UBE2E2: variants seen among roughly 807,000 people sequenced by gnomAD.
UBE2E2 encodes ubiquitin conjugating enzyme E2 E2.
A neutral mutation model predicts 24.7 loss-of-function variants in UBE2E2; 6 were observed. The ratio of observed to expected loss-of-function variants is 0.24; its 90% confidence interval spans 0.13 to 0.48. The LOEUF (loss-of-function observed/expected upper bound fraction) is 0.48. UBE2E2 is among the 20% of genes least tolerant of loss of function. The pLI is 0.99. For missense variants in UBE2E2, 169 were observed against 245.0 expected (o/e 0.69, Z 2.07); for synonymous variants, 104 against 83.6 (o/e 1.24, Z -1.33).
Position 23,556,333 on chromosome 3 carries a change from C to T in UBE2E2, c.508+23632C>T, listed in dbSNP as rs1323737839. ...CTAATTTTTGTATTTTTAGTAGAGACGGTTTCACCATGTTGGCCAGGATGG... is the reference window on the plus strand; with the variant it reads ...CTAATTTTTGTATTTTTAGTAGAGATGGTTTCACCATGTTGGCCAGGATGG... On this transcript the variant is annotated intron_variant, in intron 5 of 5. Coordinates refer to ENST00000396703, the MANE Select transcript of UBE2E2 (RefSeq NM_152653.4). Among the ~76,000 whole-genome samples the T allele has an allele frequency of 9.4e-5, 14 of 149,210 alleles. 2 individuals carry two copies. Among genetic ancestry groups the T allele is most frequent in the Admixed American group, 1.3e-4 (2 of 14,940 alleles).
chr3:23,523,857 T>G (rs1216779898), intron 4 of UBE2E2, among the ~76,000 whole-genome samples: 1 of 151,870 alleles, frequency 6.6e-6, no homozygotes, highest in Non-Finnish European at 1.5e-5. Context: ...AACAACCTGT[T>G]TAAATAAACT....
In UBE2E2 at chr3:23,374,076, T is replaced by C. The variant is rs570367247; in HGVS notation, c.228-125532T>C. ...CAATGGATGTGAAATAACCACCTAA[T>C]ATTTTAAAATATTAAGTCAAAATAT... On this transcript the variant is annotated intron_variant, in intron 3 of 5. Coordinates refer to ENST00000396703, the MANE Select transcript of UBE2E2 (RefSeq NM_152653.4). 3.2e-3 allele frequency among the ~76,000 whole-genome samples: 488 copies of C among 152,330 alleles called. 1 individual carries two copies. The highest frequency in any genetic ancestry group is 0.013 in the South Asian group (61 of 4,828).
At chr3:23,222,621 T>A (rs1439491990) in intron 3 of UBE2E2, among the ~76,000 whole-genome samples, 1 of 152,210 alleles carries the variant, frequency 6.6e-6, no homozygotes, top group Non-Finnish European at 1.5e-5. Context: ...TTGTGAGGCC[T>A]CTCAAGCCAG....
intron 3 of UBE2E2, among the ~76,000 whole-genome samples, chr3:23,368,847 G>C (rs907219400): frequency 8.5e-5 from 13 of 152,104 alleles, no homozygotes; most frequent in African/African-American, 3.1e-4. Flanking sequence ...ATTTCTAATA[G>C]TTTATTTTCA....
At chr3:23,270,357 G>T (rs979993489) in intron 3 of UBE2E2, among the ~76,000 whole-genome samples, 6 of 152,056 alleles carry the variant, frequency 3.9e-5, no homozygotes, top group African/African-American at 1.4e-4. Context: ...GTGCACAAAG[G>T]GCTTGGCTGA....
At chr3:23,230,807 A>G (rs1575488820) in intron 3 of UBE2E2, among the ~76,000 whole-genome samples, 1 of 152,000 alleles carries the variant, frequency 6.6e-6, no homozygotes, top group South Asian at 2.1e-4. Context: ...AAAAAAAAAA[A>G]AAGAGTTGGA....
intron 3 of UBE2E2, among the ~76,000 whole-genome samples, chr3:23,297,145 T>C (rs1698934202): frequency 3.3e-5 from 5 of 152,210 alleles, no homozygotes; most frequent in Admixed American, 3.3e-4. Flanking sequence ...CACCCACTTT[T>C]TGATGGGGTT....
chr3:23,490,234 G>A (rs941436562), intron 3 of UBE2E2, among the ~76,000 whole-genome samples: 2 of 152,068 alleles, frequency 1.3e-5, no homozygotes, highest in African/African-American at 4.8e-5. Flanking sequence ...AACAACCTAT[G>A]TATATACATG....
At chr3:23,586,338 A>G (rs1696625215) in intron 5 of UBE2E2, among the ~76,000 whole-genome samples, 1 of 152,176 alleles carries the variant, frequency 6.6e-6, no homozygotes, top group African/African-American at 2.4e-5. Flanking sequence ...TCTGTCACCC[A>G]GGCTGGAGTG....
At chr3:23,525,368 G>T (rs1002550333) in intron 4 of UBE2E2, among the ~76,000 whole-genome samples, 9 of 152,168 alleles carry the variant, frequency 5.9e-5, no homozygotes, top group African/African-American at 1.9e-4. Context: ...ACACATGCAG[G>T]TGTTGGGTGT....
chr3:23,354,980 A>C (rs1329615415), intron 3 of UBE2E2, among the ~76,000 whole-genome samples: 1 of 152,048 alleles, frequency 6.6e-6, no homozygotes, highest in Non-Finnish European at 1.5e-5. Flanking sequence ...GAACCAACCC[A>C]AATGTCCAAC....
intron 5 of UBE2E2, among the ~76,000 whole-genome samples, chr3:23,573,202 G>A (rs575559956): frequency 6.6e-6 from 1 of 152,252 alleles, no homozygotes; most frequent in African/African-American, 2.4e-5. Flanking sequence ...ATACACATAG[G>A]AAGCTTGTGT....
At chr3:23,214,284 TC>T (rs1696412300) in intron 2 of UBE2E2, among the ~76,000 whole-genome samples, 1 of 152,070 alleles carries the variant, frequency 6.6e-6, no homozygotes, top group African/African-American at 2.4e-5. Flanking sequence ...AGAGACAGGG[TC>T]TTACTCTTGC....
Position 23,561,552 on chromosome 3 carries a change from C to T in UBE2E2, c.509-28182C>T, listed in dbSNP as rs1004624656. On this transcript the variant is annotated intron_variant, in intron 5 of 5. Transcript: ENST00000396703. The stretch of plus-strand genomic sequence containing the variant: ...TTGGCTTAGGATTGACTTGGCAATG[C>T]GGGCTCTTTTTTGGTTCCATATGAA... Among the ~76,000 whole-genome samples the T allele has an allele frequency of 9.2e-5, 14 of 151,932 alleles. No individual in the cohort carries two copies. In the East Asian group the frequency reaches 9.7e-4, roughly 11 times the overall value.
At chr3:23,427,238 A>G (rs1295186619) in intron 3 of UBE2E2, among the ~76,000 whole-genome samples, 1 of 149,170 alleles carries the variant, frequency 6.7e-6, no homozygotes, top group African/African-American at 2.5e-5. Flanking sequence ...CCTGGGCAAC[A>G]TGTTGAAACC....
intron 3 of UBE2E2, among the ~76,000 whole-genome samples, chr3:23,268,101 A>G (rs1262469601): frequency 1.3e-5 from 2 of 151,820 alleles, no homozygotes; most frequent in Admixed American, 1.3e-4. Flanking sequence ...GCAATATCAT[A>G]CTGAATGGGC....
At chr3:23,332,744 A>G (rs904326553) in intron 3 of UBE2E2, among the ~76,000 whole-genome samples, 1 of 150,894 alleles carries the variant, frequency 6.6e-6, no homozygotes, top group Non-Finnish European at 1.5e-5. Context: ...TCTCTAGGAA[A>G]TTTATCAGGT....
chr3:23,512,870 A>C (rs1332683873), intron 4 of UBE2E2, among the ~76,000 whole-genome samples: 1 of 152,144 alleles, frequency 6.6e-6, no homozygotes, highest in Non-Finnish European at 1.5e-5. Context: ...GCTTGAACCC[A>C]GGAGGCAGAG....
rs148975623 is a variant in UBE2E2 at position 23,382,478 on chromosome 3, G to A, written c.228-117130G>A. On this transcript the variant is annotated intron_variant, in intron 3 of 5. Transcript: ENST00000396703. ...ATTATGGGGATAAGCCACCGTGCCCGGCCTTACTTTAAAATCTTAAACACT... is the reference window on the plus strand; with the variant it reads ...ATTATGGGGATAAGCCACCGTGCCCAGCCTTACTTTAAAATCTTAAACACT... Among the ~76,000 whole-genome samples the A allele has an allele frequency of 4.6e-5, 7 of 152,162 alleles. 1 individual carries two copies. Among genetic ancestry groups the A allele is most frequent in the South Asian group, 2.1e-4 (1 of 4,814 alleles).
Sources: gnomAD v4.1 joint callset for allele counts (sites outside exome capture counted in the v4.1 genomes callset) on GRCh38, gnomAD v4.1.1 for gene constraint, MANE v1.5 for transcripts, NCBI Gene and HGNC (gene_info 2026-07-23, HGNC 2026-07-21) for gene names.